ASS1: variants seen among roughly 807,000 people sequenced by gnomAD.
The protein encoded by ASS1 is argininosuccinate synthase 1.
In ASS1, 58 loss-of-function variants were observed where a neutral mutation model predicts 60.5. The ratio of observed to expected loss-of-function variants is 0.96; its 90% CI spans 0.78 to 1.19. The LOEUF (loss-of-function observed/expected upper bound fraction) is 1.19, where lower values mean the gene tolerates loss of function less well. ASS1 is among the 50% of genes most tolerant of loss of function. The probability of loss-of-function intolerance (pLI) is 0.00; values close to 1 mark genes in which losing one functional copy is unlikely to be tolerated. For missense variants in ASS1, 454 were observed against 547.3 expected, an observed-to-expected ratio of 0.83 and a Z score of 1.70; for synonymous variants, 200 against 206.9, an observed-to-expected ratio of 0.97 and a Z score of 0.29.
chr9:130,467,596 C>T (rs762513428), intron 6 of ASS1, among the ~76,000 whole-genome samples: 2 of 152,162 alleles, frequency 1.3e-5, no homozygotes, highest in Non-Finnish European at 2.9e-5. Flanking sequence ...CCCATTAAGA[C>T]CTGGAGTGCT....
intron 1 of ASS1, among the ~76,000 whole-genome samples, chr9:130,449,060 G>A (rs1845265741): frequency 2.0e-5 from 3 of 152,214 alleles, no homozygotes; most frequent in African/African-American, 7.2e-5. Context: ...GCCGGATGTA[G>A]TGGCCCATGC....
At chr9:130,496,761 G>A (rs1441120009) in intron 13 of ASS1, among the ~76,000 whole-genome samples, 1 of 152,160 alleles carries the variant, frequency 6.6e-6, no homozygotes, top group Admixed American at 6.5e-5. Flanking sequence ...TGTCCGCCCC[G>A]TGGATGAGAG....
chr9:130,467,642 T>C (rs1246856184), intron 6 of ASS1, among the ~76,000 whole-genome samples: 1 of 152,108 alleles, frequency 6.6e-6, no homozygotes, highest in African/African-American at 2.4e-5. Context: ...TGTTGTTTTA[T>C]TATTAAGAGG....
intron 8 of ASS1, among the ~76,000 whole-genome samples, chr9:130,473,891 A>G (rs1226207491): frequency 1.3e-5 from 2 of 152,148 alleles, no homozygotes; most frequent in Non-Finnish European, 2.9e-5. Context: ...TGATGGATGA[A>G]TAAACCATTT....
intron 3 of ASS1, among the ~76,000 whole-genome samples, chr9:130,457,206 G>C (rs1291615940): frequency 6.6e-6 from 1 of 152,096 alleles, no homozygotes; most frequent in Non-Finnish European, 1.5e-5. Flanking sequence ...TTGTTTGTTT[G>C]TTTTTCTTTT....
chr9:130,497,476 C>T (rs921287650), intron 13 of ASS1, among the ~76,000 whole-genome samples: 2 of 145,966 alleles, frequency 1.4e-5, no homozygotes, highest in African/African-American at 5.0e-5. Flanking sequence ...TTCTGTAGAC[C>T]GTCAGGGGAG....
intron 5 of ASS1, among the ~76,000 whole-genome samples, chr9:130,465,054 A>ATTTTTTTTTTTTTTTTTTTTT (rs1332274615): frequency 1.4e-5 from 1 of 71,946 alleles, no homozygotes; most frequent in African/African-American, 7.5e-5. Context: ...ATATATATAT[A>ATTTTTTTTTTTTTTTTTTTTT]TATTTTTTTT....
In ASS1 at chr9:130,477,421, C is replaced by T. The variant is rs1476650007; in HGVS notation, c.688+460C>T. 1.3e-5 allele frequency among the ~76,000 whole-genome samples: 2 copies of T among 152,088 alleles called. No homozygotes were observed. Among genetic ancestry groups the T allele is most frequent in the East Asian group, 1.9e-4 (1 of 5,194 alleles). ...AGCTGGCCTCATGGACCCCTGGGACCCCACATGGAAAGCCTTCGCCAGTCT... is the reference window on the plus strand; with the variant it reads ...AGCTGGCCTCATGGACCCCTGGGACTCCACATGGAAAGCCTTCGCCAGTCT... On this transcript the variant is annotated intron_variant, in intron 9 of 14. Coordinates refer to ENST00000352480, the MANE Select transcript of ASS1 (RefSeq NM_054012.4). The surrounding 1 kb of genome is among the most constrained non-coding windows in gnomAD (Gnocchi z 4.2).
At chr9:130,487,584 T>C (rs1192808758) in intron 11 of ASS1, among the ~76,000 whole-genome samples, 5 of 144,940 alleles carry the variant, frequency 3.4e-5, no homozygotes, top group African/African-American at 1.3e-4. Context: ...CCCATGAAAC[T>C]CCCCATTTTC....
chr9:130,450,202 A>C (rs1369637736), intron 1 of ASS1: 1 of 937,198 alleles, frequency 1.1e-6, no homozygotes, highest in African/African-American at 1.8e-5. Flanking sequence ...GGGCGGCTGG[A>C]AAGTAAGGTT....
Position 130,478,065 on chromosome 9 carries a change from C to T in ASS1, c.688+1104C>T, listed in dbSNP as rs1466037115. Among the ~76,000 whole-genome samples the T allele has an allele frequency of 6.6e-6, 1 of 152,206 alleles. No individual in the cohort carries two copies. The highest frequency in any genetic ancestry group is 1.5e-5 in the Non-Finnish European group (1 of 68,042). On this transcript the variant is annotated intron_variant, in intron 9 of 14. Transcript: ENST00000352480. This position sits in a 1 kb window ranked among gnomAD's most constrained non-coding sequence, Gnocchi z 4.7. Reference sequence around the variant, plus strand: ...CAAAAAACGGACCACAGGCATGATGCTCACAGGTGCCCGGCATGGTATGTG... The same window carrying T: ...CAAAAAACGGACCACAGGCATGATGTTCACAGGTGCCCGGCATGGTATGTG...
At chr9:130,500,891 C>A in intron 14 of ASS1, 85 bp from the exon 15 acceptor site, 1 of 1,475,960 alleles carries the variant, frequency 6.8e-7, no homozygotes, top group Non-Finnish European at 9.4e-7. Flanking sequence ...GCCCCAGCCA[C>A]CCCAGCTCTG....
intron 8 of ASS1, among the ~76,000 whole-genome samples, chr9:130,475,261 T>A (rs1413458997): frequency 6.6e-6 from 1 of 152,154 alleles, no homozygotes; most frequent in Non-Finnish European, 1.5e-5. Flanking sequence ...CAGAGTGAAT[T>A]TCAGCTGCCC....
At chr9:130,474,202 C>G (rs543472932) in intron 8 of ASS1, among the ~76,000 whole-genome samples, 184 of 151,994 alleles carry the variant, frequency 1.2e-3, no homozygotes, top group Non-Finnish European at 1.9e-3. Context: ...GGCAGGCGCT[C>G]GAGCCACCGC....
rs549030248 is a variant in ASS1 at position 130,483,566 on chromosome 9, A to G, written c.838+3117A>G. Among the ~76,000 whole-genome samples the G allele has an allele frequency of 6.8e-5, 10 of 147,436 alleles. No individual in the cohort carries two copies. In the South Asian group the frequency reaches 2.2e-3, roughly 32 times the overall value. On this transcript the variant is annotated intron_variant, in intron 11 of 14. Transcript: ENST00000352480. ...AGTAAATGAAATCAGTGGGGAGGAG[A>G]AGGGGGGCAAGGCAGGCCGGAGGGA...
At chr9:130,482,077 G>A (rs1846186591) in intron 11 of ASS1, among the ~76,000 whole-genome samples, 1 of 152,098 alleles carries the variant, frequency 6.6e-6, no homozygotes, top group Non-Finnish European at 1.5e-5. Flanking sequence ...GCTGGGGAGG[G>A]GTGGGATAGA....
At chr9:130,496,004 G>A (rs113975044) in intron 13 of ASS1, among the ~76,000 whole-genome samples, 8 of 152,200 alleles carry the variant, frequency 5.3e-5, no homozygotes, top group African/African-American at 1.7e-4. Context: ...GAAGGCCGCC[G>A]GACACTTGGG....
At chr9:130,466,936 A>G in intron 6 of ASS1, 137 bp downstream of exon 6, 2 of 1,008,408 alleles carry the variant, frequency 2.0e-6, no homozygotes. Context: ...CTTCCACCCC[A>G]GCTGCCTACA....
At chr9:130,486,506 G>C (rs1430631964) in intron 11 of ASS1, among the ~76,000 whole-genome samples, 2 of 152,134 alleles carry the variant, frequency 1.3e-5, no homozygotes, top group African/African-American at 4.8e-5. Context: ...GTGGCTCTGA[G>C]CTACTCTGCA....
Sources: gnomAD v4.1 joint callset for allele counts (sites outside exome capture counted in the v4.1 genomes callset) on GRCh38, gnomAD v4.1.1 for gene constraint, Gnocchi (gnomAD v3.1) non-coding constraint, MANE v1.5 for transcripts, NCBI Gene and HGNC (gene_info 2026-07-23, HGNC 2026-07-21) for gene names.